DNAH5: variants seen among roughly 807,000 people sequenced by gnomAD.
DNAH5 encodes axonemal beta dynein heavy chain 5.
Under a neutral mutation model 518.2 loss-of-function variants are expected in DNAH5, and 372 were observed. The observed-to-expected ratio is 0.72, with a 90% CI of 0.66 to 0.78. DNAH5 has a LOEUF of 0.78. Among genes scored for constraint, DNAH5 ranks in the 30% least tolerant of loss-of-function variants. The pLI is 0.00. For synonymous variants in DNAH5, 2,039 were observed against 2,025.9 expected, an observed-to-expected ratio of 1.01 and a Z score of -0.17; for missense variants, 5,523 against 5,687.0, an observed-to-expected ratio of 0.97 and a Z score of 0.93.
At chr5:13,809,801 T>G (rs891513676) in intron 45 of DNAH5, among the ~76,000 whole-genome samples, 3 of 152,214 alleles carry the variant, frequency 2.0e-5, no homozygotes, top group Non-Finnish European at 4.4e-5. Flanking sequence ...ATGGATCTGA[T>G]TTGGTTTTTT....
chr5:13,815,179 T>C lies in DNAH5; in HGVS notation c.6989-333A>G, dbSNP rs6876105. Among the ~76,000 whole-genome samples the C allele has an allele frequency of 0.26, 40,044 of 151,970 alleles. 5,805 individuals are homozygous for C. Among genetic ancestry groups the C allele is most frequent in the East Asian group, 0.54 (2,785 of 5,166 alleles). The stretch of plus-strand genomic sequence containing the variant: ...TTTGCAGAGCTTACATTCTAAGGAG[T>C]AGAGATGACAAGCAAACAAATAAAA... On this transcript the variant is annotated intron_variant, in intron 42 of 78. Coordinates refer to ENST00000265104, the MANE Select transcript of DNAH5 (RefSeq NM_001369.3).
chr5:13,766,262 T>C, intron 58 of DNAH5, 83 bp from the exon 59 acceptor site: 1 of 1,461,188 alleles, frequency 6.8e-7, no homozygotes, highest in East Asian at 2.3e-5. Context: ...TGCTGCTATT[T>C]CAACAGAGGA....
At chr5:13,846,479 G>A (rs1318512871) in intron 31 of DNAH5, among the ~76,000 whole-genome samples, 2 of 152,190 alleles carry the variant, frequency 1.3e-5, no homozygotes, top group Non-Finnish European at 2.9e-5. Context: ...CCCAGGGCAT[G>A]CGTGCGGAGT....
intron 56 of DNAH5, 37 bp from the exon 57 acceptor site, chr5:13,769,652 T>G (rs1370707307): frequency 1.3e-6 from 2 of 1,542,470 alleles, no homozygotes; most frequent in East Asian, 2.3e-5. Flanking sequence ...TGTTAAAATG[T>G]GTAGGACTTG....
intron 77 of DNAH5, 77 bp downstream of exon 77, chr5:13,701,207 T>A: frequency 6.3e-7 from 1 of 1,580,834 alleles, no homozygotes; most frequent in Non-Finnish European, 8.7e-7. Context: ...CTTATTATAG[T>A]CTTTAAAACT....
Position 13,721,271 on chromosome 5 carries a change from TA to T in DNAH5, c.12034-27del, listed in dbSNP as rs551388563. 175 of 1,613,910 alleles carry T rather than the reference TA, an allele frequency of 1.1e-4. 1 individual carries two copies. In the South Asian group the frequency reaches 1.9e-3, roughly 17 times the overall value. ...CTGCCAAAAACAGTATACAAGTCAGTAAAAGTCATTCCAACTCTTTCATGTA... is the reference window on the plus strand; with the variant it reads ...CTGCCAAAAACAGTATACAAGTCAGTAAAGTCATTCCAACTCTTTCATGTA... On this transcript the variant is annotated intron_variant, in intron 70 of 78. Transcript: ENST00000265104.
At chr5:13,845,855 G>T (rs2151872707) in intron 31 of DNAH5, among the ~76,000 whole-genome samples, 2 of 125,192 alleles carry the variant, frequency 1.6e-5, no homozygotes, top group African/African-American at 3.1e-5. Flanking sequence ...TTTTTAGACA[G>T]AGTCTCAGTC....
chr5:13,691,919 A>G lies in DNAH5; in HGVS notation c.*65T>C. The G allele has an allele frequency of 6.2e-7, 1 of 1,602,462 alleles. No homozygotes were observed. The highest frequency in any genetic ancestry group is 8.5e-7 in the Non-Finnish European group (1 of 1,169,756). The stretch of plus-strand genomic sequence containing the variant: ...TACACTGTCCAGCAGTCATACAGAA[A>G]TAAAGGTTACAATAATTTAGATCTT... On this transcript the variant is annotated 3_prime_UTR_variant, in exon 79 of 79. Coordinates refer to ENST00000265104, the MANE Select transcript of DNAH5 (RefSeq NM_001369.3).
intron 78 of DNAH5, among the ~76,000 whole-genome samples, chr5:13,699,946 A>G (rs1377041525): frequency 1.3e-5 from 2 of 152,162 alleles, no homozygotes. Context: ...CCTCCAGAAA[A>G]CATCAATCCA....
chr5:13,876,699 G>C lies in DNAH5; in HGVS notation c.3381C>G (p.Ile1127Met). The part of the protein sequence containing the change: ...VKLVSVLSTI[I>M]NSTKKEVITS... ...CTTGACATACCTTTTTGGTGGAGTTGATAATTGTGCTAAGCACAGAAACTA... is the reference window on the plus strand; with the variant it reads ...CTTGACATACCTTTTTGGTGGAGTTCATAATTGTGCTAAGCACAGAAACTA... The change falls in exon 22 of 79, where the codon ATC (isoleucine) becomes ATG (methionine). Residue 1127 changes from isoleucine to methionine, a missense_variant. By Grantham distance (10) the Ile-to-Met change is conservative (BLOSUM62 1). This residue lies in a region of DNAH5 where 5,121 missense variants were observed against 5,223.3 expected (regional missense o/e 0.98). Transcript: ENST00000265104. The C allele has an allele frequency of 6.2e-7, 1 of 1,613,550 alleles. No individual in the cohort carries two copies. Among genetic ancestry groups the C allele is most frequent in the South Asian group, 1.1e-5 (1 of 90,964 alleles).
At chr5:13,863,811 C>A (rs1303183789) in intron 28 of DNAH5, among the ~76,000 whole-genome samples, 1 of 152,154 alleles carries the variant, frequency 6.6e-6, no homozygotes, top group Non-Finnish European at 1.5e-5. Flanking sequence ...CAGCTGGTGC[C>A]CATTGCTCGA....
chr5:13,837,692 CTTTTTTTTTT>C (rs534618242), intron 35 of DNAH5, among the ~76,000 whole-genome samples: 8 of 95,138 alleles, frequency 8.4e-5, no homozygotes, highest in South Asian at 3.6e-4. Context: ...GGGAACTCCA[CTTTTTTTTTT>C]TTTTTTTTTT....
chr5:13,951,439 C>T (rs1369334759), intron 1 of DNAH5, among the ~76,000 whole-genome samples: 1 of 151,804 alleles, frequency 6.6e-6, no homozygotes, highest in Non-Finnish European at 1.5e-5. Context: ...AGACTGGTCT[C>T]GAACTCCTGG....
Position 13,786,367 on chromosome 5 carries a change from A to C in DNAH5, c.8648-16T>G. On this transcript the variant is annotated splice_polypyrimidine_tract_variant and intron_variant, in intron 51 of 78. Transcript: ENST00000265104. ...GATGTTTCACCTTTGGTGGGAAATA[A>C]GAATCAGTTAAGTTTCTGCAAATAC... 6.2e-7 allele frequency: 1 copy of C among 1,613,502 alleles called. No homozygotes were observed. The highest frequency in any genetic ancestry group is 8.5e-7 in the Non-Finnish European group (1 of 1,179,818).
At position 13,931,204 on chromosome 5, in the gene DNAH5, A is replaced by G; in HGVS notation, c.98T>C (p.Leu33Ser). ...AAATAAGTAGTTATGCCTCGCATCC[A>G]AAAGAGCCCGCTTGGCTTCCTTCTC... The part of the protein sequence containing the change: ...KGEKEAKRAL[L>S]DARHNYLFAI... The change falls in exon 2 of 79, where the codon TTG becomes TCG. Residue 33 changes from leucine to serine, a missense_variant. This residue lies in a region of DNAH5 where 5,121 missense variants were observed against 5,223.3 expected (regional missense o/e 0.98). Coordinates refer to ENST00000265104, the MANE Select transcript of DNAH5 (RefSeq NM_001369.3). The G allele has an allele frequency of 6.2e-7, 1 of 1,614,164 alleles. No individual in the cohort carries two copies. The highest frequency in any genetic ancestry group is 8.5e-7 in the Non-Finnish European group (1 of 1,179,974).
At chr5:13,986,679 T>C (rs1783075076) in intron 1 of DNAH5, among the ~76,000 whole-genome samples, 6 of 152,190 alleles carry the variant, frequency 3.9e-5, no homozygotes, top group Admixed American at 3.9e-4. Flanking sequence ...GCATCATCAC[T>C]ACCCACGCTG....
intron 70 of DNAH5, 54 bp from the exon 71 acceptor site, chr5:13,721,299 A>G (rs1745030873): frequency 1.2e-6 from 2 of 1,611,368 alleles, no homozygotes; most frequent in African/African-American, 1.3e-5. Context: ...TTTCATGTAG[A>G]TAATGTAGTG....
chr5:13,789,688 T>C (rs960220825), intron 50 of DNAH5, among the ~76,000 whole-genome samples: 1 of 152,214 alleles, frequency 6.6e-6, no homozygotes, highest in African/African-American at 2.4e-5. Flanking sequence ...AAGTTTATGA[T>C]AACATCAATT....
chr5:13,894,723 T>G lies in DNAH5; in HGVS notation c.2358A>C (p.Gln786His), dbSNP rs1773691099. The G allele has an allele frequency of 6.2e-7, 1 of 1,614,036 alleles. No individual in the cohort carries two copies. The highest frequency in any genetic ancestry group is 1.3e-5 in the African/African-American group (1 of 74,940). ...TCCAGGTCAGTGCAGCCAAGCCAGG[T>G]TGGAGAGCTTCATCCACTTTGGCCA... ...PHLAKVDEALQPGLAALTWTS... is the reference protein window; with the variant it reads ...PHLAKVDEALHPGLAALTWTS... The change falls in exon 16 of 79, where the codon CAA becomes CAC. Residue 786 changes from glutamine (Q) to histidine (H), a missense_variant. By Grantham distance (24) the Gln-to-His change is conservative. Transcript: ENST00000265104.
Sources: allele counts gnomAD v4.1 joint callset (sites outside exome capture counted in the v4.1 genomes callset), GRCh38; gene constraint gnomAD v4.1.1; regional missense constraint gnomAD v4.1.1; transcripts MANE v1.5; gene names NCBI Gene and HGNC (gene_info 2026-07-23, HGNC 2026-07-21).